RIMBP2: variants seen among roughly 807,000 people sequenced by gnomAD.
RIMBP2 encodes the protein RIMS-binding protein 2.
In RIMBP2, 48 loss-of-function variants were observed where a neutral mutation model predicts 118.6. The observed-to-expected ratio is 0.40, with a 90% confidence interval of 0.32 to 0.51. The LOEUF is 0.51. RIMBP2 is among the 20% of genes least tolerant of loss of function. The pLI, the probability that RIMBP2 is intolerant of heterozygous loss-of-function variation, is 0.41. For missense variants in RIMBP2, 1,551 were observed against 1,768.3 expected (o/e 0.88, Z 2.20); for synonymous variants, 762 against 742.9 (o/e 1.03, Z -0.42).
chr12:130,429,125 G>A (rs2076994376), intron 14 of RIMBP2: 1 of 152,360 alleles, frequency 6.6e-6, no homozygotes, highest in Non-Finnish European at 1.5e-5. Context: ...AAGACACTTA[G>A]GTTTTTAAAA....
chr12:130,573,648 G>C (rs1006776820), intron 2 of RIMBP2, among the ~76,000 whole-genome samples: 7 of 152,092 alleles, frequency 4.6e-5, no homozygotes, highest in East Asian at 1.9e-4. Context: ...CCCCCACCTG[G>C]GGGGGTGATG....
At chr12:130,473,760 C>T (rs772962916) in intron 5 of RIMBP2, among the ~76,000 whole-genome samples, 1 of 152,176 alleles carries the variant, frequency 6.6e-6, no homozygotes, top group African/African-American at 2.4e-5. Flanking sequence ...GCAGACACTG[C>T]CTGAAACTAA....
chr12:130,570,195 AG>A (rs1355681569), intron 2 of RIMBP2, among the ~76,000 whole-genome samples: 2 of 152,146 alleles, frequency 1.3e-5, no homozygotes, highest in African/African-American at 4.8e-5. Flanking sequence ...ATGCCAAGGC[AG>A]GAGGATGACT....
At chr12:130,599,128 C>A (rs958109656) in intron 2 of RIMBP2, among the ~76,000 whole-genome samples, 9 of 152,220 alleles carry the variant, frequency 5.9e-5, no homozygotes, top group African/African-American at 2.2e-4. Context: ...TCCTTCACAT[C>A]ATATGCAATA....
At chr12:130,588,879 T>C (rs2059082919) in intron 2 of RIMBP2, among the ~76,000 whole-genome samples, 1 of 152,250 alleles carries the variant, frequency 6.6e-6, no homozygotes, top group African/African-American at 2.4e-5. Context: ...GTGCTTAAAC[T>C]GGTGTCCTGA....
rs79384761 is a variant in RIMBP2 at position 130,664,969 on chromosome 12, G to A, written c.-351-36513C>T. 4.4e-3 allele frequency among the ~76,000 whole-genome samples: 669 copies of A among 151,710 alleles called. 26 individuals carry two copies. The highest frequency in any genetic ancestry group is 0.015 in the African/African-American group (624 of 41,014). ...GTACTAATCAATCAACCGGAACAGC[G>A]AGCTGTCTGGACCAGAGCCGCCCTC... On this transcript the variant is annotated intron_variant, in intron 1 of 22. Coordinates refer to ENST00000690449, the MANE Select transcript of RIMBP2 (RefSeq NM_001393629.1).
intron 19 of RIMBP2, among the ~76,000 whole-genome samples, chr12:130,409,577 T>A (rs1158016820): frequency 6.6e-6 from 1 of 152,078 alleles, no homozygotes; most frequent in Non-Finnish European, 1.5e-5. Context: ...TCTCCTGACC[T>A]CATGATCCGC....
At chr12:130,461,495 C>T (rs2079990756) in intron 6 of RIMBP2, among the ~76,000 whole-genome samples, 1 of 152,182 alleles carries the variant, frequency 6.6e-6, no homozygotes, top group African/African-American at 2.4e-5. Flanking sequence ...AGGGCATTGT[C>T]CCCTCCACAT....
In RIMBP2 at chr12:130,419,051, C is replaced by T. The variant is rs1053952035; in HGVS notation, c.3238+3402G>A. Among the ~76,000 whole-genome samples the T allele has an allele frequency of 6.6e-6, 1 of 152,174 alleles. No homozygotes were observed. Among genetic ancestry groups the T allele is most frequent in the Non-Finnish European group, 1.5e-5 (1 of 68,042 alleles). ...AAAATCAGCGTATGCGGTGACTCCA[C>T]CGTATGTTCTTCCAGAGAGGATGCA... On this transcript the variant is annotated intron_variant, in intron 17 of 22. Transcript: ENST00000690449. The surrounding 1 kb of genome is among the most constrained non-coding windows in gnomAD (Gnocchi z 4.3).
At position 130,617,187 on chromosome 12, in the gene RIMBP2, G is replaced by A. The variant is rs7962793; in HGVS notation, c.-217+11135C>T. ...CAACGATCCCCCACCCCCGACCCCCGCCCCGAGTTAGTGCTGCCACCTCCA... is the reference window on the plus strand; with the variant it reads ...CAACGATCCCCCACCCCCGACCCCCACCCCGAGTTAGTGCTGCCACCTCCA... On this transcript the variant is annotated intron_variant, in intron 2 of 22. Coordinates refer to ENST00000690449, the MANE Select transcript of RIMBP2 (RefSeq NM_001393629.1). This position sits in a 1 kb window ranked among gnomAD's most constrained non-coding sequence, Gnocchi z 4.6. Among the ~76,000 whole-genome samples the A allele has an allele frequency of 0.37, 43,499 of 117,636 alleles. 6,438 individuals carry two copies. The highest frequency in any genetic ancestry group is 0.48 in the South Asian group (1,888 of 3,914). The allele number at this position is 117,636 out of a possible 152,430, so 77.2% of individuals were successfully genotyped here. A position where few individuals can be genotyped will look rare whatever the true frequency, so the allele number is the denominator to read the frequency against.
intron 2 of RIMBP2, among the ~76,000 whole-genome samples, chr12:130,518,995 G>A (rs1216591856): frequency 1.3e-5 from 2 of 152,250 alleles, no homozygotes; most frequent in South Asian, 2.1e-4. Flanking sequence ...AGAAGCAGAA[G>A]GGATAATCAA....
intron 2 of RIMBP2, among the ~76,000 whole-genome samples, chr12:130,552,319 CA>C (rs1157831224): frequency 6.6e-6 from 1 of 152,122 alleles, no homozygotes; most frequent in Non-Finnish European, 1.5e-5. Context: ...ACCACATAAG[CA>C]AAGTTACCTT....
intron 2 of RIMBP2, among the ~76,000 whole-genome samples, chr12:130,539,013 T>C (rs537544427): frequency 6.6e-6 from 1 of 152,296 alleles, no homozygotes; most frequent in East Asian, 1.9e-4. Context: ...GGGCTGTCGA[T>C]GATCTTCAGT....
chr12:130,424,209 G>T lies in RIMBP2; in HGVS notation c.3062C>A (p.Thr1021Asn), dbSNP rs1305839655. Residue 1021 changes from threonine to asparagine, a missense_variant, in exon 16 of 23, where the codon ACC (threonine) becomes AAC (asparagine). By Grantham distance (65) the Thr-to-Asn change is moderately conservative. This residue lies in a region of RIMBP2 where 1,038 missense variants were observed against 1,125.1 expected (regional missense o/e 0.92). Coordinates refer to ENST00000690449, the MANE Select transcript of RIMBP2 (RefSeq NM_001393629.1). The surrounding 1 kb of genome is among the most constrained non-coding windows in gnomAD (Gnocchi z 9.8). ...GGCAGCTGCCCTACTGTCGGGCATG[G>T]TTATGCTTTTCTTCCAGACACCCCG... The part of the protein sequence containing the change: ...DFRGVWKKSI[T>N]MPDSRAAAPH... The T allele has an allele frequency of 3.2e-6, 4 of 1,231,952 alleles. No individual in the cohort carries two copies. The highest frequency in any genetic ancestry group is 8.4e-5 in the Admixed American group (2 of 23,700). 76.3% of individuals were successfully genotyped at this position (1,231,952 alleles called of 1,614,324 possible). A position where few individuals can be genotyped will look rare whatever the true frequency, so the allele number is the denominator to read the frequency against.
At chr12:130,462,358 C>G (rs1043231889) in intron 6 of RIMBP2, among the ~76,000 whole-genome samples, 2 of 152,226 alleles carry the variant, frequency 1.3e-5, no homozygotes, top group African/African-American at 4.8e-5. Context: ...GTGGCCAGTG[C>G]AGATACCAGG....
intron 1 of RIMBP2, among the ~76,000 whole-genome samples, chr12:130,645,895 T>C (rs1456624800): frequency 1.3e-5 from 2 of 152,164 alleles, no homozygotes; most frequent in Non-Finnish European, 2.9e-5. Flanking sequence ...CCTAACTAAA[T>C]GGATTCATTA....
At chr12:130,534,718 A>G (rs1313527498) in intron 2 of RIMBP2, among the ~76,000 whole-genome samples, 1 of 152,200 alleles carries the variant, frequency 6.6e-6, no homozygotes. Flanking sequence ...GAAAAGCCAC[A>G]TGGTGGTGAT....
intron 17 of RIMBP2, among the ~76,000 whole-genome samples, chr12:130,415,252 C>A (rs112783264): frequency 0.29 from 44,456 of 152,074 alleles, 7,196 homozygotes; most frequent in Admixed American, 0.45. Flanking sequence ...TCAACATATG[C>A]AAATCAATAA....
rs565414471 is a variant in RIMBP2 at position 130,643,579 on chromosome 12, A to G, written c.-351-15123T>C. ...AGAAAGAAATCACTAGGTCAGGGAC[A>G]GGTCCCCCACTTTACAGATAAGAAA... On this transcript the variant is annotated intron_variant, in intron 1 of 22. Transcript: ENST00000690449. Among the ~76,000 whole-genome samples, 10 of 152,338 alleles carry G rather than the reference A, an allele frequency of 6.6e-5. No homozygotes were observed. The East Asian group carries it at 1.9e-3, about 30-fold the overall frequency.
Sources: gnomAD v4.1 joint callset for allele counts (sites outside exome capture counted in the v4.1 genomes callset) on GRCh38, gnomAD v4.1.1 for gene constraint, gnomAD v4.1.1 regional missense constraint, Gnocchi (gnomAD v3.1) non-coding constraint, MANE v1.5 for transcripts, NCBI Gene and HGNC (gene_info 2026-07-23, HGNC 2026-07-21) for gene names.